Variants in STK36 observed in about 807,000 individuals in gnomAD.
STK36 encodes serine/threonine-protein kinase 36.
Under a neutral mutation model 142.2 loss-of-function variants are expected in STK36, and 116 were observed. The ratio of observed to expected loss-of-function variants is 0.82; its 90% CI spans 0.70 to 0.95. STK36 has a LOEUF of 0.95. Among genes scored for constraint, STK36 ranks in the 40% least tolerant of loss-of-function variants. The pLI is 0.00. For synonymous variants in STK36, 619 were observed against 641.7 expected (o/e 0.96, Z 0.53); for missense variants, 1,422 against 1,617.2 (o/e 0.88, Z 2.07).
chr2:218,698,642 C>G lies in STK36; in HGVS notation c.3098C>G (p.Pro1033Arg), dbSNP rs1656267712. The change falls in exon 26 of 27, where the codon CCC becomes CGC. Residue 1033 changes from proline (P) to arginine (R), a missense_variant. This residue lies in a region of STK36 where 962 missense variants were observed against 1,167.5 expected (regional missense o/e 0.82). Coordinates refer to ENST00000295709, the MANE Select transcript of STK36 (RefSeq NM_015690.5). ...YHLPLMQVEL[P>R]ISLLTRLALM... is the part of the protein sequence containing the mutation. Reference sequence around the variant, plus strand: ...CTTCCGTTGATGCAAGTGGAGCTGCCCATCAGCCTTCTCACACGCCTGGCC... The same window carrying G: ...CTTCCGTTGATGCAAGTGGAGCTGCGCATCAGCCTTCTCACACGCCTGGCC... 1 of 1,614,012 alleles carries G rather than the reference C, an allele frequency of 6.2e-7. No homozygotes were observed. The highest frequency in any genetic ancestry group is 1.7e-5 in the Admixed American group (1 of 59,994).
intron 25 of STK36, 104 bp from the exon 26 acceptor site, chr2:218,698,498 A>G: frequency 7.0e-7 from 1 of 1,421,648 alleles, no homozygotes; most frequent in East Asian, 2.3e-5. Flanking sequence ...TCTCTGTGGC[A>G]TTTCTCACCA....
Position 218,687,653 on chromosome 2 carries a change from C to T in STK36, c.1381-1044C>T, listed in dbSNP as rs1940831930. ...GATAAGACTCCCTCTGGTGGAATTC[C>T]AGCTGCACTACTCATTAGCTGCGTG... is the stretch of plus-strand genomic sequence containing the variant. On this transcript the variant is annotated intron_variant, in intron 11 of 26. Coordinates refer to ENST00000295709, the MANE Select transcript of STK36 (RefSeq NM_015690.5). Among the ~76,000 whole-genome samples, 4 of 152,284 alleles carry T rather than the reference C, an allele frequency of 2.6e-5. No individual in the cohort carries two copies. In the South Asian group the frequency reaches 8.3e-4, roughly 32 times the overall value.
At position 218,702,505 on chromosome 2, in the gene STK36, G is replaced by C. The variant is rs1172611223; in HGVS notation, c.*496G>C. ...TATCCCTTAGCCAACATTCCTATCT[G>C]TGGGTGGGCGTGGAGAGTGTATCTT... On this transcript the variant is annotated 3_prime_UTR_variant, in exon 27 of 27. Coordinates refer to ENST00000295709, the MANE Select transcript of STK36 (RefSeq NM_015690.5). 1.3e-5 allele frequency: 2 copies of C among 153,742 alleles called. No individual in the cohort carries two copies. The highest frequency in any genetic ancestry group is 4.8e-5 in the African/African-American group (2 of 41,460). The allele number at this position is 153,742 out of a possible 1,614,324, so 9.5% of individuals were successfully genotyped here.
chr2:218,701,011 C>CA (rs11301260), intron 26 of STK36, among the ~76,000 whole-genome samples: 1,129 of 80,062 alleles, frequency 0.014, 3 homozygotes, highest in Non-Finnish European at 0.022. Context: ...GACTCTGTCT[C>CA]AAAAAAAAAA....
intron 11 of STK36, chr2:218,688,261 A>G: frequency 9.3e-6 from 4 of 429,196 alleles, no homozygotes; most frequent in South Asian, 6.7e-5. Context: ...CCTGTGAGCC[A>G]TAGTTTGTCA....
At chr2:218,686,912 A>G (rs1364372521) in intron 11 of STK36, among the ~76,000 whole-genome samples, 1 of 152,194 alleles carries the variant, frequency 6.6e-6, no homozygotes, top group African/African-American at 2.4e-5. Flanking sequence ...GTTTCTTCAC[A>G]TCCTTGTCAA....
intron 11 of STK36, among the ~76,000 whole-genome samples, chr2:218,686,099 C>T (rs1052375837): frequency 8.6e-5 from 13 of 152,026 alleles, no homozygotes; most frequent in Admixed American, 2.6e-4. Flanking sequence ...CCACCACGCC[C>T]GGTTAATTTT....
intron 21 of STK36, among the ~76,000 whole-genome samples, chr2:218,695,222 C>CTTTTTTTTTTTTTT (rs531122836): frequency 1.1e-5 from 1 of 88,108 alleles, no homozygotes; most frequent in Non-Finnish European, 2.1e-5. Context: ...ATTGTCATCC[C>CTTTTTTTTTTTTTT]TTTTTTTTTT....
chr2:218,694,692 G>T lies in STK36; in HGVS notation c.2511+57G>T. 7.0e-7 allele frequency: 1 copy of T among 1,436,474 alleles called. No homozygotes were observed. The highest frequency in any genetic ancestry group is 9.8e-7 in the Non-Finnish European group (1 of 1,022,800). 89.0% of individuals were successfully genotyped at this position (1,436,474 alleles called of 1,614,324 possible). A position where few individuals can be genotyped will look rare whatever the true frequency, so the allele number is the denominator to read the frequency against. On this transcript the variant is annotated intron_variant, in intron 21 of 26. Transcript: ENST00000295709. The surrounding 1 kb of genome is among the most constrained non-coding windows in gnomAD (Gnocchi z 4.4). Reference sequence around the variant, plus strand: ...TTTCTCTGAGTCAGACACTAGGACTGCATTCAAGGGGAAAAGACTGAAATG... The same window carrying T: ...TTTCTCTGAGTCAGACACTAGGACTTCATTCAAGGGGAAAAGACTGAAATG...
At chr2:218,686,113 G>C (rs559982375) in intron 11 of STK36, among the ~76,000 whole-genome samples, 1 of 151,888 alleles carries the variant, frequency 6.6e-6, no homozygotes, top group African/African-American at 2.4e-5. Flanking sequence ...TAATTTTTTT[G>C]TATTTTTAGT....
chr2:218,690,258 G>A (rs1265830022), intron 13 of STK36, among the ~76,000 whole-genome samples, 192 bp from the exon 14 acceptor site: 3 of 152,114 alleles, frequency 2.0e-5, no homozygotes, highest in Non-Finnish European at 4.4e-5. Flanking sequence ...AAAAAAATAT[G>A]CGAATAACCT....
rs920390350 is a variant in STK36 at position 218,701,342 on chromosome 2, G to A, written c.3805-524G>A. Among the ~76,000 whole-genome samples, 9 of 151,062 alleles carry A rather than the reference G, an allele frequency of 6.0e-5. 1 individual carries two copies. Among genetic ancestry groups the A allele is most frequent in the African/African-American group, 9.8e-5 (4 of 40,936 alleles). On this transcript the variant is annotated intron_variant, in intron 26 of 26. Coordinates refer to ENST00000295709, the MANE Select transcript of STK36 (RefSeq NM_015690.5). ...TTTTTAGTAGAGACGGGGTTTCACC[G>A]TGATAGCCAGGATGGTCTCGATGTC... is the stretch of plus-strand genomic sequence containing the variant.
intron 10 of STK36, chr2:218,684,857 G>C (rs1940707955): frequency 2.3e-6 from 1 of 425,642 alleles, no homozygotes; most frequent in Non-Finnish European, 4.2e-6. Flanking sequence ...GTCTTTCTAG[G>C]TATCTCTTTA....
Position 218,697,610 on chromosome 2 carries a change from C to T in STK36, c.2909C>T (p.Ala970Val), listed in dbSNP as rs147424801. ...CPSFLNQLRQ[A>V]PHGSEFLPVV... is the part of the protein sequence containing the mutation. ...AGCTTCCTGAATCAACTGCGCCAGGCGTGAGTTTGAGCTAGAAGAGAGCCA... is the reference window on the plus strand; with the variant it reads ...AGCTTCCTGAATCAACTGCGCCAGGTGTGAGTTTGAGCTAGAAGAGAGCCA... Residue 970 changes from alanine (A) to valine (V), a missense_variant and splice_region_variant, in exon 24 of 27, where the codon GCG becomes GTG. Transcript: ENST00000295709. 4.2e-5 allele frequency: 67 copies of T among 1,613,868 alleles called. No individual in the cohort carries two copies. The highest frequency in any genetic ancestry group is 1.8e-4 in the Admixed American group (11 of 59,990).
rs1221123042 is a variant in STK36, at chr2:218,702,538, GGTGTGTGTGTATAT to G, written c.*542_*555del. 2.0e-5 allele frequency: 3 copies of G among 152,668 alleles called. No individual in the cohort carries two copies. The highest frequency in any genetic ancestry group is 6.5e-5 in the Admixed American group (1 of 15,314). The allele number at this position is 152,668 out of a possible 1,614,324, so 9.5% of individuals were successfully genotyped here. ...GCGTGGAGAGTGTATCTTTTTTTGGGGTGTGTGTGTATATGTGTGTGTGTATGTGTGTGTGTGTT... is the reference window on the plus strand; with the variant it reads ...GCGTGGAGAGTGTATCTTTTTTTGGGGTGTGTGTGTATGTGTGTGTGTGTT... On this transcript the variant is annotated 3_prime_UTR_variant, in exon 27 of 27. Transcript: ENST00000295709.
chr2:218,697,718 A>G, intron 24 of STK36, 108 bp downstream of exon 24: 1 of 1,588,512 alleles, frequency 6.3e-7, no homozygotes, highest in Non-Finnish European at 8.6e-7. Context: ...GAAAGATGAG[A>G]TCAGGTTTAG....
chr2:218,694,363 C>G lies in STK36; in HGVS notation c.2400+36C>G. 1 of 1,589,084 alleles carries G rather than the reference C, an allele frequency of 6.3e-7. No homozygotes were observed. The highest frequency in any genetic ancestry group is 1.1e-5 in the South Asian group (1 of 90,522). ...AACCTTCACCCTCCTCCCCTTTTCA[C>G]CCTAGCATCTACCCCTTGTGGAAGT... On this transcript the variant is annotated intron_variant, in intron 20 of 26. Coordinates refer to ENST00000295709, the MANE Select transcript of STK36 (RefSeq NM_015690.5). This position sits in a 1 kb window ranked among gnomAD's most constrained non-coding sequence, Gnocchi z 4.4.
At chr2:218,684,611 G>A (rs1450239481) in intron 10 of STK36, 1 of 152,178 alleles carries the variant, frequency 6.6e-6, no homozygotes, top group Non-Finnish European at 1.5e-5. Flanking sequence ...ATAGAGAGGG[G>A]GGTTTCACCA....
intron 16 of STK36, 70 bp downstream of exon 16, chr2:218,692,780 T>C: frequency 6.6e-7 from 1 of 1,525,884 alleles, no homozygotes; most frequent in Non-Finnish European, 8.8e-7. Flanking sequence ...CCCCAGTTTT[T>C]CAGAAAGGCA....
Sources: gnomAD v4.1 joint callset for allele counts (sites outside exome capture counted in the v4.1 genomes callset) on GRCh38, gnomAD v4.1.1 for gene constraint, gnomAD v4.1.1 regional missense constraint, Gnocchi (gnomAD v3.1) non-coding constraint, MANE v1.5 for transcripts, NCBI Gene and HGNC (gene_info 2026-07-23, HGNC 2026-07-21) for gene names.